USP15: variants seen among roughly 807,000 people sequenced by gnomAD.
The protein encoded by USP15 is ubiquitin specific peptidase 15.
USP15 carries 18 observed loss-of-function variants against 127.1 expected under a neutral mutation model. The ratio of observed to expected loss-of-function variants is 0.14; its 90% CI spans 0.10 to 0.21. The LOEUF (loss-of-function observed/expected upper bound fraction) is 0.21. USP15 is among the 10% of genes least tolerant of loss of function. The pLI is 1.00. For missense variants in USP15, 805 were observed against 1,159.9 expected (o/e 0.69, Z 4.44); for synonymous variants, 364 against 393.7 (o/e 0.92, Z 0.89).
At chr12:62,342,761 C>T (rs2065686774) in intron 6 of USP15, among the ~76,000 whole-genome samples, 1 of 152,154 alleles carries the variant, frequency 6.6e-6, no homozygotes, top group African/African-American at 2.4e-5. Flanking sequence ...CTGCCTACTC[C>T]TTCCTCTGGA....
chr12:62,307,302 A>G (rs1462930500), intron 3 of USP15, among the ~76,000 whole-genome samples: 1 of 152,172 alleles, frequency 6.6e-6, no homozygotes, highest in Admixed American at 6.6e-5. Context: ...AGAGAACAGA[A>G]CCAAATGTTA....
At chr12:62,335,808 A>G (rs1284465431) in intron 6 of USP15, 3 of 985,234 alleles carry the variant, frequency 3.0e-6, no homozygotes, top group Non-Finnish European at 2.4e-6. Context: ...TCTTTCTTTT[A>G]ACCTAGTTTA....
intron 6 of USP15, among the ~76,000 whole-genome samples, chr12:62,346,296 A>G (rs1241146907): frequency 6.6e-6 from 1 of 152,194 alleles, no homozygotes; most frequent in African/African-American, 2.4e-5. Flanking sequence ...TCTCAAGTGA[A>G]ACTTTTTTAC....
intron 1 of USP15, among the ~76,000 whole-genome samples, chr12:62,284,335 G>T (rs2063732775): frequency 6.6e-6 from 1 of 152,162 alleles, no homozygotes; most frequent in Admixed American, 6.5e-5. Context: ...ATTTTCTTAA[G>T]ACTTAGTCCC....
Position 62,411,183 on chromosome 12 carries a change from T to G in USP15, c.*6808T>G, listed in dbSNP as rs1469771270. 6.6e-6 allele frequency: 1 copy of G among 152,244 alleles called. No homozygotes were observed. The highest frequency in any genetic ancestry group is 6.6e-5 in the Admixed American group (1 of 15,264). The allele number at this position is 152,244 out of a possible 1,614,324, so 9.4% of individuals were successfully genotyped here. ...AATCCCACTTTACAGATGTAGAAGC[T>G]GAGGGCTAGAAGGAGAAAAGTCATG... On this transcript the variant is annotated 3_prime_UTR_variant, in exon 22 of 22. Coordinates refer to ENST00000280377, the MANE Select transcript of USP15 (RefSeq NM_001252078.2).
intron 4 of USP15, among the ~76,000 whole-genome samples, chr12:62,315,864 T>G (rs574078549): frequency 6.9e-4 from 105 of 152,324 alleles, no homozygotes; most frequent in South Asian, 3.7e-3. Flanking sequence ...AGTAGCATTA[T>G]TCAAGTACTC....
At chr12:62,323,890 A>G (rs548456500) in intron 5 of USP15, among the ~76,000 whole-genome samples, 2 of 152,256 alleles carry the variant, frequency 1.3e-5, no homozygotes, top group Admixed American at 6.5e-5. Flanking sequence ...AGTATCCTTA[A>G]GGACTTGACC....
Position 62,410,362 on chromosome 12 carries a change from C to A in USP15, c.*5987C>A, listed in dbSNP as rs749614283. On this transcript the variant is annotated 3_prime_UTR_variant, in exon 22 of 22. Transcript: ENST00000280377. ...AAATAGGAATTATTTTAGAGTTGCC[C>A]TTATTTTAAAAAACAAAAAAAAAGT... is the stretch of plus-strand genomic sequence containing the variant. 6.6e-5 allele frequency: 10 copies of A among 151,144 alleles called. No individual in the cohort carries two copies. The highest frequency in any genetic ancestry group is 1.5e-4 in the Non-Finnish European group (10 of 67,826). The allele number at this position is 151,144 out of a possible 1,614,324, so 9.4% of individuals were successfully genotyped here.
intron 6 of USP15, among the ~76,000 whole-genome samples, chr12:62,342,407 T>G (rs114834393): frequency 0.022 from 3,331 of 152,210 alleles, 117 homozygotes; most frequent in African/African-American, 0.075. Context: ...TGAAATCTTT[T>G]GTTAATTCAT....
chr12:62,263,310 A>G (rs151334347), intron 1 of USP15, among the ~76,000 whole-genome samples: 15 of 152,342 alleles, frequency 9.8e-5, no homozygotes, highest in African/African-American at 2.6e-4. Flanking sequence ...TGGGTTTACC[A>G]TAAGTTTATT....
intron 1 of USP15, chr12:62,278,846 A>G (rs1312188809): frequency 6.6e-6 from 1 of 152,174 alleles, no homozygotes; most frequent in African/African-American, 2.4e-5. Context: ...AATCTGTTTT[A>G]TAATAAAGCA....
intron 1 of USP15, among the ~76,000 whole-genome samples, chr12:62,292,591 T>C (rs1295819488): frequency 6.6e-6 from 1 of 152,178 alleles, no homozygotes; most frequent in Non-Finnish European, 1.5e-5. Flanking sequence ...AGAAGTTCCC[T>C]TCTCTATGTC....
At chr12:62,359,575 T>C (rs1477935786) in intron 8 of USP15, among the ~76,000 whole-genome samples, 1 of 152,204 alleles carries the variant, frequency 6.6e-6, no homozygotes, top group Non-Finnish European at 1.5e-5. Context: ...TCTGGAAAGA[T>C]TCTGTTCTCC....
At chr12:62,312,323 G>C (rs970764152) in intron 3 of USP15, 1 of 341,232 alleles carries the variant, frequency 2.9e-6, no homozygotes, top group Admixed American at 3.2e-5. Context: ...AAGTTTCCAT[G>C]AAACTTTTCA....
intron 2 of USP15, among the ~76,000 whole-genome samples, chr12:62,299,948 A>G (rs1305103455): frequency 2.0e-5 from 3 of 152,054 alleles, no homozygotes; most frequent in Non-Finnish European, 4.4e-5. Context: ...TGCTTGTTAT[A>G]TATCTTTTTT....
rs1422242517 is a variant in USP15, at chr12:62,391,387, A to G, written c.2191A>G (p.Thr731Ala). ...TGATATCAACTACATCAAAGATGAT[A>G]CCAGGCATATAAGATTTGATGATAG... ...NTDINYIKDD[T>A]RHIRFDDRQL... is the part of the protein sequence containing the mutation. Residue 731 changes from threonine (T) to alanine (A), a missense_variant, in exon 16 of 22, where the codon ACC (threonine) becomes GCC (alanine). By Grantham distance (58) the Thr-to-Ala change is moderately conservative (BLOSUM62 0). Around this residue, in one of 11 missense-constraint regions of USP15, gnomAD observed 225 missense variants for 239.5 expected, o/e 0.94. Transcript: ENST00000280377. The G allele has an allele frequency of 6.2e-7, 1 of 1,612,704 alleles. No individual in the cohort carries two copies. Among genetic ancestry groups the G allele is most frequent in the East Asian group, 2.2e-5 (1 of 44,774 alleles).
intron 9 of USP15, 46 bp from the exon 10 acceptor site, chr12:62,383,794 C>T (rs1389874531): frequency 6.4e-7 from 1 of 1,571,112 alleles, no homozygotes; most frequent in African/African-American, 1.4e-5. Flanking sequence ...GTTTAAAAAT[C>T]AACCCTGTTC....
At chr12:62,333,049 C>G (rs1369503848) in intron 6 of USP15, among the ~76,000 whole-genome samples, 1 of 152,078 alleles carries the variant, frequency 6.6e-6, no homozygotes, top group African/African-American at 2.4e-5. Flanking sequence ...AGAGAGTATT[C>G]AATCCCTGTT....
chr12:62,351,566 C>G lies in USP15; in HGVS notation c.770+2259C>G, dbSNP rs1315274118. ...TTGGTATGAGTGGTCTGGTGTGTTT[C>G]TGGTTTTGTTCTGTTTGCATTCTTA... On this transcript the variant is annotated intron_variant, in intron 7 of 21. Transcript: ENST00000280377. 4.6e-5 allele frequency among the ~76,000 whole-genome samples: 7 copies of G among 151,998 alleles called. No individual in the cohort carries two copies. The East Asian group carries it at 1.4e-3, about 29-fold the overall frequency.
Sources: gnomAD v4.1 joint callset for allele counts (sites outside exome capture counted in the v4.1 genomes callset) on GRCh38, gnomAD v4.1.1 for gene constraint, gnomAD v4.1.1 regional missense constraint, MANE v1.5 for transcripts, NCBI Gene and HGNC (gene_info 2026-07-23, HGNC 2026-07-21) for gene names.